Variants in CCDC171 observed in about 807,000 individuals in gnomAD.
CCDC171 encodes the protein coiled-coil domain containing 171.
CCDC171 carries 177 observed loss-of-function variants against 168.2 expected under a neutral mutation model. That is an observed-to-expected ratio of 1.05 (90% CI 0.93 to 1.19). The LOEUF (loss-of-function observed/expected upper bound fraction) is 1.19, where lower values mean the gene tolerates loss of function less well. CCDC171 is among the 50% of genes most tolerant of loss of function. The probability of loss-of-function intolerance (pLI) is 0.00; values close to 1 mark genes in which losing one functional copy is unlikely to be tolerated. For missense variants in CCDC171, 1,991 were observed against 1,539.0 expected (o/e 1.29, Z -4.91); for synonymous variants, 687 against 540.8 (o/e 1.27, Z -3.75).
intron 10 of CCDC171, among the ~76,000 whole-genome samples, chr9:15,687,615 TAACTC>T (rs1411996382): frequency 2.0e-5 from 3 of 152,018 alleles, no homozygotes; most frequent in Non-Finnish European, 4.4e-5. Flanking sequence ...TTTGAAGAGA[TAACTC>T]AATTGATAAC....
At chr9:15,901,932 T>C (rs937514361) in intron 24 of CCDC171, among the ~76,000 whole-genome samples, 7 of 152,188 alleles carry the variant, frequency 4.6e-5, no homozygotes, top group Admixed American at 2.6e-4. Flanking sequence ...AAATCTTCTC[T>C]GTAAAGTTCA....
intron 21 of CCDC171, among the ~76,000 whole-genome samples, chr9:15,813,979 T>G (rs2059460281): frequency 6.6e-6 from 1 of 152,196 alleles, no homozygotes; most frequent in Admixed American, 6.5e-5. Flanking sequence ...AATAGGGACC[T>G]GTGATTTGCA....
chr9:15,683,903 T>G (rs1157620030), intron 10 of CCDC171, among the ~76,000 whole-genome samples: 1 of 151,962 alleles, frequency 6.6e-6, no homozygotes, highest in African/African-American at 2.4e-5. Flanking sequence ...CAAAGCTAAG[T>G]AAAGAAGGGT....
In CCDC171 at chr9:15,578,982, A is replaced by G. The variant is rs923262571; in HGVS notation, c.311A>G (p.Glu104Gly). Reference protein sequence around the residue: ...EAGLGRRAAEERLAEAHRIQE... With the variant: ...EAGLGRRAAEGRLAEAHRIQE... ...GGTCTTGGAAGACGGGCTGCTGAAG[A>G]AAGATTAGCCGAGGCACATAGGATC... is the stretch of plus-strand genomic sequence containing the variant. The change falls in exon 4 of 26, where the codon GAA becomes GGA. Residue 104 changes from glutamate (E) to glycine (G), a missense_variant. By Grantham distance (98) the Glu-to-Gly change is moderately conservative. Coordinates refer to ENST00000380701, the MANE Select transcript of CCDC171 (RefSeq NM_173550.4). 8 of 1,613,940 alleles carry G rather than the reference A, an allele frequency of 5.0e-6. No individual in the cohort carries two copies. In the African/African-American group the frequency reaches 5.3e-5, roughly 11 times the overall value.
At chr9:16,066,359 TATAG>T (rs1833990161), downstream of CCDC171, among the ~76,000 whole-genome samples, 1 of 152,166 alleles carries the variant, frequency 6.6e-6, no homozygotes, top group Non-Finnish European at 1.5e-5. Context: ...GTCACAGAAG[TATAG>T]ATAAAGTGCA....
In CCDC171 at chr9:15,623,319, CAG is replaced by C; in HGVS notation, c.730_731del (p.Glu244ThrfsTer6). ...CATAAGAAAGTAGAAAAATTAGAAA[CAG>C]AACATATGGACTGCTCTGACCTTTT... On this transcript the variant is annotated frameshift_variant, in exon 7 of 26. Coordinates refer to ENST00000380701, the MANE Select transcript of CCDC171 (RefSeq NM_173550.4). LOFTEE classifies it high-confidence loss of function. The C allele has an allele frequency of 6.2e-7, 1 of 1,602,944 alleles. No individual in the cohort carries two copies. The highest frequency in any genetic ancestry group is 8.5e-7 in the Non-Finnish European group (1 of 1,173,468).
In CCDC171 at chr9:15,819,022, G is replaced by A. The variant is rs543480031; in HGVS notation, c.3268-27680G>A. Among the ~76,000 whole-genome samples the A allele has an allele frequency of 3.4e-5, 4 of 116,830 alleles. 2 individuals carry two copies. The highest frequency in any genetic ancestry group is 5.6e-4 in the South Asian group (2 of 3,558). 76.6% of individuals were successfully genotyped at this position (116,830 alleles called of 152,430 possible). A position where few individuals can be genotyped will look rare whatever the true frequency, so the allele number is the denominator to read the frequency against. ...GGCAGAAACTCTACAAGCCAGAAGAGAGTGGGGGCCAATATTCAACATTCT... is the reference window on the plus strand; with the variant it reads ...GGCAGAAACTCTACAAGCCAGAAGAAAGTGGGGGCCAATATTCAACATTCT... On this transcript the variant is annotated intron_variant, in intron 21 of 25. Transcript: ENST00000380701.
the CCDC171 span, among the ~76,000 whole-genome samples, chr9:16,078,919 A>G: frequency 1.3e-5 from 2 of 152,236 alleles, no homozygotes; most frequent in Non-Finnish European, 2.9e-5. Context: ...ATGCTGAATC[A>G]GGAAGGCAGG....
intron 1 of CCDC171, among the ~76,000 whole-genome samples, chr9:16,059,505 C>CT (rs869212886): frequency 0.015 from 1,497 of 101,430 alleles, 17 homozygotes; most frequent in Non-Finnish European, 0.019. Flanking sequence ...TTTTTTTTTT[C>CT]TTTTTTTTTT....
At chr9:15,986,945 C>CT (rs1832008689) in intron 3 of CCDC171, among the ~76,000 whole-genome samples, 2 of 108,612 alleles carry the variant, frequency 1.8e-5, no homozygotes, top group African/African-American at 1.0e-4. Context: ...TGCATTTGTC[C>CT]AGAAAAAAAA....
At chr9:16,106,006 C>G in the CCDC171 span, among the ~76,000 whole-genome samples, 38 of 152,316 alleles carry the variant, frequency 2.5e-4, no homozygotes, top group African/African-American at 8.2e-4. Flanking sequence ...CCCATCGCAG[C>G]CACCCTTTGG....
intron 21 of CCDC171, among the ~76,000 whole-genome samples, chr9:15,824,450 G>C (rs2059929372): frequency 6.6e-6 from 1 of 151,912 alleles, no homozygotes; most frequent in Admixed American, 6.6e-5. Context: ...TGCGTGTTCA[G>C]TCTTCTATTG....
rs529237267 is a variant in CCDC171, at chr9:15,973,401, ATACTAACTATTT to A, written c.*1566_*1577del. The A allele has an allele frequency of 6.6e-6, 1 of 152,108 alleles. No individual in the cohort carries two copies. Among genetic ancestry groups the A allele is most frequent in the Non-Finnish European group, 1.5e-5 (1 of 68,010 alleles). The allele number at this position is 152,108 out of a possible 1,614,324, so 9.4% of individuals were successfully genotyped here. A position where few individuals can be genotyped will look rare whatever the true frequency, so the allele number is the denominator to read the frequency against. On this transcript the variant is annotated 3_prime_UTR_variant, in exon 26 of 26. Coordinates refer to ENST00000380701, the MANE Select transcript of CCDC171 (RefSeq NM_173550.4). ...TATTGGCCTTGGTAAATAAGATTTT[ATACTAACTATTT>A]ATTAGTAGCCAAATTAGCCAAGTGA...
chr9:16,088,137 A>G, the CCDC171 span, among the ~76,000 whole-genome samples: 4 of 152,222 alleles, frequency 2.6e-5, no homozygotes, highest in African/African-American at 9.6e-5. Flanking sequence ...GATTATCTCA[A>G]TAGATGCAGA....
At chr9:16,032,845 A>G (rs2133043189) in intron 6 of CCDC171, among the ~76,000 whole-genome samples, 1 of 152,306 alleles carries the variant, frequency 6.6e-6, no homozygotes, top group Admixed American at 6.5e-5. Context: ...GGTGAGAATC[A>G]AGGCAGCTGT....
At chr9:16,016,449 A>G (rs1179175037) in intron 3 of CCDC171, among the ~76,000 whole-genome samples, 1 of 152,206 alleles carries the variant, frequency 6.6e-6, no homozygotes, top group Non-Finnish European at 1.5e-5. Context: ...GAATAAATGC[A>G]TGAATCAAGC....
the CCDC171 span, among the ~76,000 whole-genome samples, chr9:16,083,565 C>G: frequency 6.6e-6 from 1 of 152,162 alleles, no homozygotes; most frequent in Non-Finnish European, 1.5e-5. Context: ...GGTACCTTGG[C>G]TGGTGTGATG....
At chr9:15,836,111 C>G (rs2060436765) in intron 21 of CCDC171, among the ~76,000 whole-genome samples, 1 of 152,120 alleles carries the variant, frequency 6.6e-6, no homozygotes, top group Non-Finnish European at 1.5e-5. Flanking sequence ...TAAAGTATCT[C>G]CTGATGACTT....
intron 6 of CCDC171, among the ~76,000 whole-genome samples, chr9:15,617,446 G>A (rs1215743038): frequency 5.5e-4 from 82 of 149,934 alleles, no homozygotes; most frequent in African/African-American, 1.9e-3. Flanking sequence ...GCGTGATCTC[G>A]GCTCACTGCA....
Sources: allele counts gnomAD v4.1 joint callset (sites outside exome capture counted in the v4.1 genomes callset), GRCh38; gene constraint gnomAD v4.1.1; transcripts MANE v1.5; gene names NCBI Gene and HGNC (gene_info 2026-07-23, HGNC 2026-07-21).